DMD: variants seen among roughly 807,000 people sequenced by gnomAD.
The protein encoded by DMD is dystrophin, also known as mutant dystrophin.
Under a neutral mutation model 330.1 loss-of-function variants are expected in DMD, and 63 were observed. That is an observed-to-expected ratio of 0.19 (90% confidence interval 0.16 to 0.24). The LOEUF is 0.24. DMD is among the 10% of genes least tolerant of loss of function. The pLI, the probability that DMD is intolerant of heterozygous loss-of-function variation, is 1.00. For synonymous variants in DMD, 1,223 were observed against 959.8 expected, an observed-to-expected ratio of 1.27 and a Z score of -5.07; for missense variants, 3,344 against 2,684.1, an observed-to-expected ratio of 1.25 and a Z score of -5.43.
chrX:31,179,327 T>G (rs1471794012), intron 69 of DMD, among the ~76,000 whole-genome samples: 1 of 112,646 alleles, frequency 8.9e-6, no homozygotes, highest in African/African-American at 3.2e-5. Flanking sequence ...AAGAGAGAGA[T>G]GCTCTAAAGC....
At chrX:32,273,843 A>C (rs2097374764) in intron 43 of DMD, among the ~76,000 whole-genome samples, 1 of 111,945 alleles carries the variant, frequency 8.9e-6, no homozygotes, top group African/African-American at 3.2e-5. Flanking sequence ...GCAAACTTCC[A>C]GGGTTTTTCA....
intron 67 of DMD, among the ~76,000 whole-genome samples, chrX:31,202,612 T>C (rs1303884780): frequency 8.9e-6 from 1 of 112,152 alleles, no homozygotes. Flanking sequence ...AAACCTTCTA[T>C]AGTTTCATCC....
chrX:31,758,975 C>T (rs992477638), intron 51 of DMD, among the ~76,000 whole-genome samples: 7 of 111,287 alleles, frequency 6.3e-5, no homozygotes, highest in African/African-American at 1.6e-4. Context: ...ATTCTGATAA[C>T]GAAAATATGA....
intron 63 of DMD, among the ~76,000 whole-genome samples, chrX:31,226,491 G>T (rs1335092437): frequency 2.7e-5 from 3 of 111,987 alleles, no homozygotes; most frequent in East Asian, 2.8e-4. Flanking sequence ...TATATATACA[G>T]ATTGCTTCTT....
intron 9 of DMD, among the ~76,000 whole-genome samples, chrX:32,683,938 T>C (rs187633907): frequency 2.8e-3 from 303 of 108,918 alleles, no homozygotes; most frequent in African/African-American, 8.5e-3. Context: ...AGTTGTTAAA[T>C]TTCCAATGAA....
intron 2 of DMD, among the ~76,000 whole-genome samples, chrX:32,909,150 CAAAAAAAAA>C (rs36075436): frequency 1.5e-5 from 1 of 68,250 alleles, no homozygotes. Context: ...TCTATATGAG[CAAAAAAAAA>C]AAAAAAAAAA....
intron 55 of DMD, among the ~76,000 whole-genome samples, chrX:31,557,192 T>C (rs1172090786): frequency 9.0e-6 from 1 of 111,333 alleles, no homozygotes; most frequent in Non-Finnish European, 1.9e-5. Flanking sequence ...ATAATTAGGG[T>C]ATTGGCAGGC....
intron 30 of DMD, among the ~76,000 whole-genome samples, chrX:32,394,925 A>AAACAAC (rs1557326869): frequency 2.1e-5 from 2 of 95,646 alleles, no homozygotes; most frequent in Admixed American, 1.2e-4. Flanking sequence ...ACAAAAAAAA[A>AAACAAC]AAAAAAAAGA....
intron 44 of DMD, among the ~76,000 whole-genome samples, chrX:32,169,727 G>T: frequency 8.9e-6 from 1 of 111,887 alleles, no homozygotes; most frequent in East Asian, 2.8e-4. Context: ...CTCTAGAGTT[G>T]CCATGGAAGA....
chrX:32,503,426 A>G (rs1468253736), intron 18 of DMD, among the ~76,000 whole-genome samples: 2 of 112,461 alleles, frequency 1.8e-5, no homozygotes, highest in East Asian at 5.5e-4. Flanking sequence ...GCAGAGAAAA[A>G]GTAATCATCT....
chrX:31,281,509 T>C (rs1417581160), intron 62 of DMD, among the ~76,000 whole-genome samples: 1 of 111,860 alleles, frequency 8.9e-6, no homozygotes, highest in Non-Finnish European at 1.9e-5. Flanking sequence ...TTGTTGCTCA[T>C]CAACATCAAA....
At chrX:31,510,506 CTTTTT>C (rs756448666) in intron 55 of DMD, among the ~76,000 whole-genome samples, 1 of 84,536 alleles carries the variant, frequency 1.2e-5, no homozygotes, top group African/African-American at 4.7e-5. Flanking sequence ...TCTGACTGCT[CTTTTT>C]TTTTTTTTTT....
intron 44 of DMD, among the ~76,000 whole-genome samples, chrX:32,157,868 G>C: frequency 9.0e-6 from 1 of 111,693 alleles, no homozygotes; most frequent in Non-Finnish European, 1.9e-5. Context: ...ATGGCAAAAG[G>C]ATCAAAGCAC....
chrX:32,210,491 C>T (rs1331489196), intron 44 of DMD, among the ~76,000 whole-genome samples: 1 of 111,863 alleles, frequency 8.9e-6, no homozygotes, highest in Non-Finnish European at 1.9e-5. Context: ...GTTAAGAAGC[C>T]GTCAAACTCA....
intron 55 of DMD, among the ~76,000 whole-genome samples, chrX:31,592,318 T>C (rs939164809): frequency 9.4e-6 from 1 of 106,205 alleles, no homozygotes; most frequent in East Asian, 2.9e-4. Flanking sequence ...TTTAAATTTC[T>C]CTAGTAGGCA....
Position 31,903,368 on chromosome X carries a change from G to A in DMD, c.6912+26228C>T, listed in dbSNP as rs139581715. On this transcript the variant is annotated intron_variant, in intron 47 of 78. Coordinates refer to ENST00000357033, the MANE Select transcript of DMD (RefSeq NM_004006.3). ...ATCTCAAAGGAAAGTTGGACATTTCGTCCAAGTTTTTGTTCAAATAAAAAA... is the reference window on the plus strand; with the variant it reads ...ATCTCAAAGGAAAGTTGGACATTTCATCCAAGTTTTTGTTCAAATAAAAAA... 5.5e-3 allele frequency among the ~76,000 whole-genome samples: 614 copies of A among 111,476 alleles called. 5 individuals are homozygous for A. The highest frequency in any genetic ancestry group is 0.018 in the African/African-American group (567 of 30,770).
chrX:31,939,933 T>C (rs1326849843), intron 45 of DMD, among the ~76,000 whole-genome samples: 2 of 111,499 alleles, frequency 1.8e-5, no homozygotes, highest in African/African-American at 6.5e-5. Context: ...TATGAGTAAA[T>C]GTGCCACCAG....
chrX:31,528,437 C>T, intron 55 of DMD, among the ~76,000 whole-genome samples: 1 of 111,718 alleles, frequency 9.0e-6, no homozygotes, highest in East Asian at 2.8e-4. Flanking sequence ...TGAAATATCA[C>T]AAACTTGATA....
chrX:32,484,789 G>C (rs775144464), intron 21 of DMD, 130 bp downstream of exon 21: 1 of 685,926 alleles, frequency 1.5e-6, no homozygotes, highest in East Asian at 3.5e-5. Context: ...TTCGTTCCTT[G>C]TTAATACAGG....
Sources: allele counts gnomAD v4.1 joint callset (sites outside exome capture counted in the v4.1 genomes callset), GRCh38; gene constraint gnomAD v4.1.1; transcripts MANE v1.5; gene names NCBI Gene and HGNC (gene_info 2026-07-23, HGNC 2026-07-21).